The following TBP variants were observed in gnomAD, a reference collection of about 807,000 sequenced individuals.
The protein encoded by TBP is TATA-box-binding protein.
A neutral mutation model predicts 46.2 loss-of-function variants in TBP; 12 were observed. The observed-to-expected ratio is 0.26, with a 90% confidence interval of 0.17 to 0.42. The LOEUF is 0.42. Among genes scored for constraint, TBP ranks in the 10% least tolerant of loss-of-function variants. The pLI is 1.00. For synonymous variants in TBP, 157 were observed against 148.3 expected (o/e 1.06, Z -0.42); for missense variants, 229 against 403.1 (o/e 0.57, Z 3.70).
chr6:170,555,283 A>G (rs1279284457), intron 1 of TBP, among the ~76,000 whole-genome samples: 2 of 152,168 alleles, frequency 1.3e-5, no homozygotes, highest in African/African-American at 4.8e-5. Flanking sequence ...TCTTGCCTCA[A>G]CCTTAGATTC....
intron 5 of TBP, among the ~76,000 whole-genome samples, chr6:170,568,444 A>G (rs1273045144): frequency 7.8e-6 from 1 of 127,610 alleles, no homozygotes; most frequent in East Asian, 3.1e-4. Context: ...TAATATTTTC[A>G]CATTCTTTTT....
At chr6:170,556,475 G>A (rs1779031369) in intron 1 of TBP, among the ~76,000 whole-genome samples, 2 of 152,026 alleles carry the variant, frequency 1.3e-5, no homozygotes, top group African/African-American at 4.8e-5. Flanking sequence ...ACATTGTAGA[G>A]GATGTAAAAT....
Position 170,572,229 on chromosome 6 carries a change from C to G in TBP, c.984C>G (p.Ile328Met), listed in dbSNP as rs201189241. The G allele has an allele frequency of 6.2e-7, 1 of 1,613,986 alleles. No homozygotes were observed. Among genetic ancestry groups the G allele is most frequent in the Non-Finnish European group, 8.5e-7 (1 of 1,179,976 alleles). Reference protein sequence around the residue: ...RAEIYEAFENIYPILKGFRKT... With the variant: ...RAEIYEAFENMYPILKGFRKT... ...AAATTTATGAAGCATTTGAAAACAT[C>G]TACCCTATTCTAAAGGGATTCAGGA... Residue 328 changes from isoleucine (I) to methionine (M), a missense_variant, in exon 8 of 8, where the codon ATC (isoleucine) becomes ATG (methionine). By Grantham distance (10) the Ile-to-Met change is conservative (BLOSUM62 1). This residue lies in a region of TBP where 44 missense variants were observed against 54.1 expected (regional missense o/e 0.81). Transcript: ENST00000392092.
rs1178590548 is a variant in TBP at position 170,561,898 on chromosome 6, G to A, written c.162G>A (p.Glu54=). Residue 54 remains glutamate, a synonymous_variant, in exon 3 of 8, where the codon GAG becomes GAA. Coordinates refer to ENST00000392092, the MANE Select transcript of TBP (RefSeq NM_003194.5). ...CCAATAGTCTGTCTATTTTGGAAGA[G>A]CAACAAAGGCAGCAGCAGCAACAAC... ...QNTNSLSILE[E]QQRQQQQQQQ... 6.2e-7 allele frequency: 1 copy of A among 1,613,840 alleles called. No homozygotes were observed. The highest frequency in any genetic ancestry group is 8.5e-7 in the Non-Finnish European group (1 of 1,180,014).
At chr6:170,556,321 G>A (rs933112316) in intron 1 of TBP, among the ~76,000 whole-genome samples, 2 of 151,590 alleles carry the variant, frequency 1.3e-5, no homozygotes, top group African/African-American at 4.9e-5. Flanking sequence ...AAAGAGGTAA[G>A]GTTATTACAT....
Position 170,572,515 on chromosome 6 carries a change from G to A in TBP, c.*250G>A. The A allele has an allele frequency of 2.1e-6, 1 of 467,632 alleles. No individual in the cohort carries two copies. Among genetic ancestry groups the A allele is most frequent in the Non-Finnish European group, 3.8e-6 (1 of 265,814 alleles). The allele number at this position is 467,632 out of a possible 1,614,324, so 29.0% of individuals were successfully genotyped here. On this transcript the variant is annotated 3_prime_UTR_variant, in exon 8 of 8. Transcript: ENST00000392092. Reference sequence around the variant, plus strand: ...ACCGTGCTGCTATCTGGGCAGCGCTGCCCATTTATTTATATGTAGATTTTA... The same window carrying A: ...ACCGTGCTGCTATCTGGGCAGCGCTACCCATTTATTTATATGTAGATTTTA...
Position 170,568,815 on chromosome 6 carries a change from CTTT to C in TBP, c.678-772_678-770del, listed in dbSNP as rs377394208. Among the ~76,000 whole-genome samples, 22 of 62,602 alleles carry C rather than the reference CTTT, an allele frequency of 3.5e-4. 6 individuals carry two copies. The highest frequency in any genetic ancestry group is 5.4e-4 in the African/African-American group (8 of 14,824). The allele number at this position is 62,602 out of a possible 152,430, so 41.1% of individuals were successfully genotyped here. A position where few individuals can be genotyped will look rare whatever the true frequency, so the allele number is the denominator to read the frequency against. On this transcript the variant is annotated intron_variant, in intron 5 of 7. Coordinates refer to ENST00000392092, the MANE Select transcript of TBP (RefSeq NM_003194.5). ...TTCTCTTCTTTCTTTCTTTCCTTTT[CTTT>C]TTTTTTTTTTTTTTTTTTTTTTTTG...
At chr6:170,569,314 C>T (rs771898807) in intron 5 of TBP, among the ~76,000 whole-genome samples, 1 of 152,138 alleles carries the variant, frequency 6.6e-6, no homozygotes, top group Non-Finnish European at 1.5e-5. Flanking sequence ...AATGCATGGG[C>T]TAAAATACAG....
chr6:170,568,815 C>CTTTTTTTTTTTTTTTTTTTTTTTTT lies in TBP; in HGVS notation c.678-794_678-770dup, dbSNP rs377394208. Among the ~76,000 whole-genome samples the CTTTTTTTTTTTTTTTTTTTTTTTTT allele has an allele frequency of 1.2e-3, 78 of 62,610 alleles. 20 individuals carry two copies. The highest frequency in any genetic ancestry group is 2.0e-3 in the African/African-American group (29 of 14,808). The allele number at this position is 62,610 out of a possible 152,430, so 41.1% of individuals were successfully genotyped here. On this transcript the variant is annotated intron_variant, in intron 5 of 7. Transcript: ENST00000392092. ...TTCTCTTCTTTCTTTCTTTCCTTTT[C>CTTTTTTTTTTTTTTTTTTTTTTTTT]TTTTTTTTTTTTTTTTTTTTTTTTT...
intron 2 of TBP, among the ~76,000 whole-genome samples, chr6:170,559,852 T>TA (rs1779109224): frequency 1.3e-5 from 2 of 152,208 alleles, no homozygotes; most frequent in South Asian, 2.1e-4. Context: ...AGTTAGGGGC[T>TA]AATAGAGCTG....
chr6:170,555,426 C>T (rs1583122399), intron 1 of TBP, among the ~76,000 whole-genome samples: 1 of 151,880 alleles, frequency 6.6e-6, no homozygotes, highest in Non-Finnish European at 1.5e-5. Flanking sequence ...ATTGAAAACT[C>T]CTGATAGTAT....
intron 4 of TBP, among the ~76,000 whole-genome samples, 159 bp from the exon 5 acceptor site, chr6:170,566,759 A>G (rs969695658): frequency 6.6e-6 from 1 of 152,234 alleles, no homozygotes; most frequent in Non-Finnish European, 1.5e-5. Flanking sequence ...GTGTATGCAA[A>G]TCCTTTACAG....
intron 4 of TBP, among the ~76,000 whole-genome samples, chr6:170,566,154 CAT>C (rs748327951): frequency 5.3e-5 from 8 of 151,876 alleles, no homozygotes; most frequent in Admixed American, 6.6e-5. Flanking sequence ...TAATTAGAAA[CAT>C]GTAGGTTTTT....
intron 5 of TBP, among the ~76,000 whole-genome samples, chr6:170,568,180 C>T (rs1178032133): frequency 1.3e-5 from 2 of 152,100 alleles, no homozygotes; most frequent in African/African-American, 2.4e-5. Context: ...TAATTAAGAG[C>T]GTTTTTGTTT....
chr6:170,566,883 A>T (rs1262683511), intron 4 of TBP, 35 bp from the exon 5 acceptor site: 1 of 1,599,582 alleles, frequency 6.3e-7, no homozygotes, highest in African/African-American at 1.3e-5. Flanking sequence ...GCAGTTTGGC[A>T]TGACCTCACT....
chr6:170,560,511 G>T (rs1411829515), intron 2 of TBP, among the ~76,000 whole-genome samples: 1 of 152,150 alleles, frequency 6.6e-6, no homozygotes, highest in Non-Finnish European at 1.5e-5. Context: ...CATAGATAGT[G>T]ATTCCTCTGA....
At chr6:170,569,485 A>C in intron 5 of TBP, 127 bp from the exon 6 acceptor site, 2 of 691,160 alleles carry the variant, frequency 2.9e-6, no homozygotes, top group Non-Finnish European at 4.5e-6. Context: ...CTTTTCTCCT[A>C]TTGCAAGAAG....
At chr6:170,567,095 C>A in intron 5 of TBP, 86 bp downstream of exon 5, 1 of 913,750 alleles carries the variant, frequency 1.1e-6, no homozygotes, top group South Asian at 2.7e-5. Flanking sequence ...TAGGTTAGCA[C>A]TTTAACATGT....
At chr6:170,562,628 GT>G (rs1420497802) in intron 3 of TBP, among the ~76,000 whole-genome samples, 1 of 152,102 alleles carries the variant, frequency 6.6e-6, no homozygotes, top group Non-Finnish European at 1.5e-5. Context: ...GGTAGTTCTT[GT>G]TTTTTGTTTT....
Sources: allele counts gnomAD v4.1 joint callset (sites outside exome capture counted in the v4.1 genomes callset), GRCh38; gene constraint gnomAD v4.1.1; regional missense constraint gnomAD v4.1.1; transcripts MANE v1.5; gene names NCBI Gene and HGNC (gene_info 2026-07-23, HGNC 2026-07-21).